Variants in GMDS observed in about 807,000 individuals in gnomAD.
The protein encoded by GMDS is GDP-mannose 4,6 dehydratase.
In GMDS, 20 loss-of-function variants were observed where a neutral mutation model predicts 49.9. The ratio of observed to expected loss-of-function variants is 0.40; its 90% CI spans 0.28 to 0.58. The LOEUF (loss-of-function observed/expected upper bound fraction) is 0.58. GMDS is among the 20% of genes least tolerant of loss of function. The probability of loss-of-function intolerance (pLI) is 0.42; values close to 1 mark genes in which losing one functional copy is unlikely to be tolerated. For synonymous variants in GMDS, 177 were observed against 178.6 expected, an observed-to-expected ratio of 0.99 and a Z score of 0.07; for missense variants, 362 against 481.4, an observed-to-expected ratio of 0.75 and a Z score of 2.32.
At chr6:2,135,179 T>C (rs1046153244) in intron 1 of GMDS, among the ~76,000 whole-genome samples, 3 of 152,208 alleles carry the variant, frequency 2.0e-5, no homozygotes, top group African/African-American at 7.2e-5. Flanking sequence ...TTAAAGAAAT[T>C]AATAAATTTA....
At chr6:1,901,013 T>C (rs1570533) in intron 7 of GMDS, among the ~76,000 whole-genome samples, 74,927 of 152,070 alleles carry the variant, frequency 0.49, 20,337 homozygotes, top group Non-Finnish European at 0.6. Context: ...ATACATTTAC[T>C]AGCAAGAAAG....
intron 4 of GMDS, among the ~76,000 whole-genome samples, chr6:2,020,967 T>C (rs965340613): frequency 6.6e-6 from 1 of 152,236 alleles, no homozygotes; most frequent in African/African-American, 2.4e-5. Context: ...TGAAAGGTTT[T>C]GTAACATCAT....
intron 4 of GMDS, among the ~76,000 whole-genome samples, chr6:2,002,419 T>C (rs1561964369): frequency 6.6e-6 from 1 of 152,232 alleles, no homozygotes. Flanking sequence ...TCAAAAAATG[T>C]GTCAACTTCT....
chr6:2,077,161 A>G (rs933868526), intron 4 of GMDS, among the ~76,000 whole-genome samples: 2 of 152,002 alleles, frequency 1.3e-5, no homozygotes, highest in African/African-American at 2.4e-5. Flanking sequence ...ACTTGGCTGA[A>G]TTTGTTTATC....
chr6:2,003,590 A>G (rs2127385146), intron 4 of GMDS, among the ~76,000 whole-genome samples: 1 of 152,268 alleles, frequency 6.6e-6, no homozygotes, highest in African/African-American at 2.4e-5. Flanking sequence ...ACTTGCTACG[A>G]CTGAAGAGCT....
chr6:2,010,359 A>C (rs925854348), intron 4 of GMDS, among the ~76,000 whole-genome samples: 1 of 151,786 alleles, frequency 6.6e-6, no homozygotes, highest in Non-Finnish European at 1.5e-5. Flanking sequence ...GAAAAAAAAA[A>C]ACACATAGCA....
At chr6:1,916,325 C>T (rs528721677) in intron 7 of GMDS, among the ~76,000 whole-genome samples, 1 of 152,148 alleles carries the variant, frequency 6.6e-6, no homozygotes, top group African/African-American at 2.4e-5. Context: ...CTCTATCAAC[C>T]CTTCACGTGC....
At chr6:2,175,060 G>C (rs1778207433) in intron 1 of GMDS, among the ~76,000 whole-genome samples, 1 of 152,158 alleles carries the variant, frequency 6.6e-6, no homozygotes. Flanking sequence ...AAGGGGAAGG[G>C]GGGTGAGGGT....
chr6:1,710,507 C>T (rs1489259293), intron 9 of GMDS, among the ~76,000 whole-genome samples: 1 of 152,214 alleles, frequency 6.6e-6, no homozygotes, highest in East Asian at 1.9e-4. Flanking sequence ...TATCAGAGAA[C>T]TGTGTAGGGA....
chr6:2,167,837 T>C (rs1777744856), intron 1 of GMDS, among the ~76,000 whole-genome samples: 1 of 152,186 alleles, frequency 6.6e-6, no homozygotes, highest in South Asian at 2.1e-4. Context: ...CGTATATATA[T>C]ACTGGTATTA....
At chr6:2,218,304 A>C (rs574888642) in intron 1 of GMDS, among the ~76,000 whole-genome samples, 1 of 152,220 alleles carries the variant, frequency 6.6e-6, no homozygotes, top group African/African-American at 2.4e-5. Flanking sequence ...GCACAGGTGA[A>C]AGAAAAGCAA....
intron 7 of GMDS, among the ~76,000 whole-genome samples, chr6:1,845,801 C>G (rs1487413969): frequency 6.6e-6 from 1 of 152,148 alleles, no homozygotes; most frequent in Non-Finnish European, 1.5e-5. Context: ...TACCACTGAT[C>G]TGACAGGAGG....
chr6:1,856,890 G>C (rs1304413533), intron 7 of GMDS, among the ~76,000 whole-genome samples: 3 of 152,154 alleles, frequency 2.0e-5, no homozygotes, highest in East Asian at 1.9e-4. Flanking sequence ...GTGCCACTGA[G>C]AGAGAGGGCA....
intron 2 of GMDS, among the ~76,000 whole-genome samples, chr6:2,119,693 T>A (rs1775038294): frequency 6.6e-6 from 1 of 152,144 alleles, no homozygotes; most frequent in Admixed American, 6.5e-5. Flanking sequence ...ATATGAGGTG[T>A]TAGGAACCAA....
chr6:1,718,810 T>TA (rs1219465162), intron 9 of GMDS, among the ~76,000 whole-genome samples: 1 of 150,504 alleles, frequency 6.6e-6, no homozygotes, highest in Non-Finnish European at 1.5e-5. Context: ...TTCTCATATA[T>TA]ACTGATATAT....
chr6:1,664,825 G>T (rs980789560), intron 9 of GMDS, among the ~76,000 whole-genome samples: 1 of 152,200 alleles, frequency 6.6e-6, no homozygotes, highest in African/African-American at 2.4e-5. Context: ...AAATCTCATT[G>T]ATACCAAGGT....
At chr6:2,021,424 A>G (rs1768272333) in intron 4 of GMDS, among the ~76,000 whole-genome samples, 1 of 152,208 alleles carries the variant, frequency 6.6e-6, no homozygotes, top group Admixed American at 6.5e-5. Context: ...TAGTCGATTA[A>G]CAGACTAAGA....
chr6:1,883,091 C>T (rs1759437220), intron 7 of GMDS, among the ~76,000 whole-genome samples: 1 of 152,108 alleles, frequency 6.6e-6, no homozygotes, highest in Non-Finnish European at 1.5e-5. Context: ...ATAAGTAGGA[C>T]TTTGATTTCT....
At chr6:1,671,877 A>C (rs1764444355) in intron 9 of GMDS, among the ~76,000 whole-genome samples, 1 of 152,062 alleles carries the variant, frequency 6.6e-6, no homozygotes, top group Non-Finnish European at 1.5e-5. Context: ...GTTGGCCAGG[A>C]TGGCCTTGAT....
Sources: gnomAD v4.1 joint callset for allele counts (sites outside exome capture counted in the v4.1 genomes callset) on GRCh38, gnomAD v4.1.1 for gene constraint, MANE v1.5 for transcripts, NCBI Gene and HGNC (gene_info 2026-07-23, HGNC 2026-07-21) for gene names.